Variants in MAP4 observed in about 807,000 individuals in gnomAD.
MAP4 encodes microtubule associated protein 4.
MAP4 carries 76 observed loss-of-function variants against 170.2 expected under a neutral mutation model. The ratio of observed to expected loss-of-function variants is 0.45; its 90% CI spans 0.37 to 0.54. MAP4 has a LOEUF of 0.54. Among genes scored for constraint, MAP4 ranks in the 20% least tolerant of loss-of-function variants. The pLI, the probability that MAP4 is intolerant of heterozygous loss-of-function variation, is 0.00. For synonymous variants in MAP4, 909 were observed against 994.5 expected, an observed-to-expected ratio of 0.91 and a Z score of 1.62; for missense variants, 2,506 against 2,748.0, an observed-to-expected ratio of 0.91 and a Z score of 1.97.
chr3:47,853,025 G>A, intron 20 of MAP4, 87 bp from the exon 21 acceptor site: 3 of 1,614,228 alleles, frequency 1.9e-6, no homozygotes, highest in Non-Finnish European at 2.5e-6. Flanking sequence ...AGACCAGAAT[G>A]TCATCATTAG....
At position 47,892,622 on chromosome 3, in the gene MAP4, C is replaced by A. The variant is rs372808571; in HGVS notation, c.5434+10328G>T. On this transcript the variant is annotated intron_variant, in intron 10 of 20. Coordinates refer to ENST00000683076, the MANE Select transcript of MAP4 (RefSeq NM_001385682.1). Reference sequence around the variant, plus strand: ...ACAAAATTCATCTCTCCCTCAATGCCCCTCTCTCCTCAAGCAGTTGAGTAT... The same window carrying A: ...ACAAAATTCATCTCTCCCTCAATGCACCTCTCTCCTCAAGCAGTTGAGTAT... 17 of 1,419,764 alleles carry A rather than the reference C, an allele frequency of 1.2e-5. 2 individuals are homozygous for A. In the Admixed American group the frequency reaches 2.1e-4, roughly 18 times the overall value. 87.9% of individuals were successfully genotyped at this position (1,419,764 alleles called of 1,614,324 possible). A position where few individuals can be genotyped will look rare whatever the true frequency, so the allele number is the denominator to read the frequency against.
rs141157319 is a variant in MAP4 at position 47,998,727 on chromosome 3, G to T, written c.134C>A (p.Thr45Lys). 9.7e-5 allele frequency: 157 copies of T among 1,613,992 alleles called. No individual in the cohort carries two copies. Among genetic ancestry groups the T allele is most frequent in the Non-Finnish European group, 1.7e-5 (20 of 1,179,996 alleles). Reference sequence around the variant, plus strand: ...AACATCCAGGAGAGGAATATAGTCTGTTTTTCCAACAGTTTCTCCCACAAC... The same window carrying T: ...AACATCCAGGAGAGGAATATAGTCTTTTTTTCCAACAGTTTCTCCCACAAC... ...DDVVGETVGK[T>K]DYIPLLDVDE... Residue 45 changes from threonine to lysine, a missense_variant, in exon 2 of 21, where the codon ACA becomes AAA. Transcript: ENST00000683076.
intron 1 of MAP4, among the ~76,000 whole-genome samples, chr3:48,064,669 T>G (rs930503928): frequency 6.6e-6 from 1 of 152,108 alleles, no homozygotes; most frequent in African/African-American, 2.4e-5. Context: ...GGGAATACAT[T>G]CTAAGAAATG....
intron 3 of MAP4, among the ~76,000 whole-genome samples, chr3:47,952,663 A>AAAAAAT (rs879424782): frequency 6.6e-5 from 10 of 151,498 alleles, no homozygotes; most frequent in South Asian, 2.1e-4. Flanking sequence ...TAAATTAAAA[A>AAAAAAT]AAAAATAAAA....
At chr3:48,008,682 G>A (rs954200766) in intron 1 of MAP4, among the ~76,000 whole-genome samples, 2 of 152,216 alleles carry the variant, frequency 1.3e-5, no homozygotes, top group African/African-American at 4.8e-5. Flanking sequence ...CCTCAGCGGA[G>A]GAGGGGTTTA....
intron 1 of MAP4, among the ~76,000 whole-genome samples, chr3:48,055,242 C>G (rs2100130354): frequency 6.7e-6 from 1 of 149,712 alleles, no homozygotes; most frequent in Non-Finnish European, 1.5e-5. Context: ...CTCCGTCTCC[C>G]CATGGTCTCC....
intron 17 of MAP4, 82 bp downstream of exon 17, chr3:47,867,164 T>C: frequency 1.0e-6 from 1 of 961,434 alleles, no homozygotes; most frequent in Non-Finnish European, 1.6e-6. Context: ...GGATTCTATC[T>C]ACATGGGCAC....
Position 47,998,723 on chromosome 3 carries a change from G to C in MAP4, c.138C>G (p.Asp46Glu). 1 of 1,614,082 alleles carries C rather than the reference G, an allele frequency of 6.2e-7. No individual in the cohort carries two copies. The highest frequency in any genetic ancestry group is 2.2e-5 in the East Asian group (1 of 44,882). Reference sequence around the variant, plus strand: ...CATCAACATCCAGGAGAGGAATATAGTCTGTTTTTCCAACAGTTTCTCCCA... The same window carrying C: ...CATCAACATCCAGGAGAGGAATATACTCTGTTTTTCCAACAGTTTCTCCCA... ...DVVGETVGKT[D>E]YIPLLDVDEK... The change falls in exon 2 of 21, where the codon GAC (aspartate) becomes GAG (glutamate). Residue 46 changes from aspartate (D) to glutamate (E), a missense_variant. Coordinates refer to ENST00000683076, the MANE Select transcript of MAP4 (RefSeq NM_001385682.1).
chr3:48,076,340 CA>C (rs202066552), intron 1 of MAP4, among the ~76,000 whole-genome samples: 146 of 138,574 alleles, frequency 1.1e-3, no homozygotes, highest in East Asian at 3.8e-3. Flanking sequence ...ACTAAAAATA[CA>C]AAAAAAAAAA....
intron 17 of MAP4, among the ~76,000 whole-genome samples, chr3:47,858,622 G>GTGCGCAT (rs2060599590): frequency 5.0e-5 from 3 of 59,804 alleles, no homozygotes; most frequent in African/African-American, 3.6e-4. Flanking sequence ...TGTGCGCGTT[G>GTGCGCAT]TGTGTGTGTG....
At chr3:47,952,048 T>A in intron 3 of MAP4, among the ~76,000 whole-genome samples, 1 of 148,220 alleles carries the variant, frequency 6.7e-6, no homozygotes, top group East Asian at 2.0e-4. Flanking sequence ...CGCGACCCCG[T>A]CTGGGAGGTG....
chr3:48,016,374 G>A lies in MAP4; in HGVS notation c.-60C>T, dbSNP rs1461898837. 6.6e-6 allele frequency: 1 copy of A among 152,124 alleles called. No individual in the cohort carries two copies. Among genetic ancestry groups the A allele is most frequent in the Non-Finnish European group, 1.5e-5 (1 of 68,040 alleles). The allele number at this position is 152,124 out of a possible 1,614,324, so 9.4% of individuals were successfully genotyped here. A position where few individuals can be genotyped will look rare whatever the true frequency, so the allele number is the denominator to read the frequency against. On this transcript the variant is annotated 5_prime_UTR_variant, in exon 1 of 21. Coordinates refer to ENST00000683076, the MANE Select transcript of MAP4 (RefSeq NM_001385682.1). ...AGCTTGTGTTCAGTCCTGACTAAAT[G>A]CATTTTGGATCAGGCACCTGCCTTC...
At chr3:47,921,953 C>CTTT in intron 4 of MAP4, 75 bp from the exon 5 acceptor site, 3 of 607,454 alleles carry the variant, frequency 4.9e-6, no homozygotes, top group Non-Finnish European at 8.7e-6. Flanking sequence ...TTCTTTCTTT[C>CTTT]TTTTTTTTTT....
At chr3:47,860,194 T>C (rs1032792970) in intron 17 of MAP4, among the ~76,000 whole-genome samples, 2 of 152,148 alleles carry the variant, frequency 1.3e-5, no homozygotes, top group Non-Finnish European at 2.9e-5. Flanking sequence ...CTCACCAAGA[T>C]GTAGAGCCAC....
At chr3:48,006,577 A>T (rs2100102435) in intron 1 of MAP4, among the ~76,000 whole-genome samples, 3 of 152,228 alleles carry the variant, frequency 2.0e-5, no homozygotes, top group Non-Finnish European at 4.4e-5. Flanking sequence ...CCTGACTGCT[A>T]GGTTGAGGGC....
chr3:48,075,395 CATGCCTGT>C (rs2100143342), intron 1 of MAP4, among the ~76,000 whole-genome samples: 1 of 151,910 alleles, frequency 6.6e-6, no homozygotes. Flanking sequence ...TGTGGTGGTG[CATGCCTGT>C]AATCCCAGCT....
chr3:47,959,392 G>A (rs1445642969), intron 3 of MAP4, among the ~76,000 whole-genome samples: 3 of 151,980 alleles, frequency 2.0e-5, no homozygotes, highest in Non-Finnish European at 2.9e-5. Context: ...TCTGGGAGGC[G>A]GTGGTTGCAG....
chr3:48,041,112 ATTTAT>A (rs1049982925), intron 1 of MAP4, among the ~76,000 whole-genome samples: 38 of 152,068 alleles, frequency 2.5e-4, no homozygotes, highest in African/African-American at 9.2e-4. Flanking sequence ...GAAGTGAACA[ATTTAT>A]TTATTTATTT....
Position 47,877,459 on chromosome 3 carries a change from T to C in MAP4, c.5499A>G (p.Pro1833=), listed in dbSNP as rs1453844952. The change falls in exon 11 of 21, where the codon CCA becomes CCG. Residue 1833 remains proline, a synonymous_variant. Transcript: ENST00000683076. Reference sequence around the variant, plus strand: ...GGCTTGGTGGGAGCTCCTTGTTCGGTGGGGTGGTGATGTCATTTCCTGTCC... The same window carrying C: ...GGCTTGGTGGGAGCTCCTTGTTCGGCGGGGTGGTGATGTCATTTCCTGTCC... The part of the protein sequence containing the change: ...VSGTGNDITT[P]PNKELPPSPE... The C allele has an allele frequency of 3.7e-6, 6 of 1,614,062 alleles. No individual in the cohort carries two copies. The highest frequency in any genetic ancestry group is 5.1e-6 in the Non-Finnish European group (6 of 1,179,998).
Sources: gnomAD v4.1 joint callset for allele counts (sites outside exome capture counted in the v4.1 genomes callset) on GRCh38, gnomAD v4.1.1 for gene constraint, MANE v1.5 for transcripts, NCBI Gene and HGNC (gene_info 2026-07-23, HGNC 2026-07-21) for gene names.